Variants in SCAPER observed in about 807,000 individuals in gnomAD.
The protein encoded by SCAPER is S phase cyclin A-associated protein in the endoplasmic reticulum.
In SCAPER, 98 loss-of-function variants were observed where a neutral mutation model predicts 182.2. The ratio of observed to expected loss-of-function variants is 0.54; its 90% CI spans 0.46 to 0.64. SCAPER has a LOEUF of 0.64. SCAPER is among the 30% of genes least tolerant of loss of function. SCAPER has a pLI of 0.00. For synonymous variants in SCAPER, 605 were observed against 564.6 expected, an observed-to-expected ratio of 1.07 and a Z score of -1.01; for missense variants, 1,432 against 1,690.0, an observed-to-expected ratio of 0.85 and a Z score of 2.68.
chr15:76,387,021 C>T (rs1238963925), intron 27 of SCAPER, among the ~76,000 whole-genome samples: 1 of 152,138 alleles, frequency 6.6e-6, no homozygotes, highest in Non-Finnish European at 1.5e-5. Flanking sequence ...CTTTAATCAT[C>T]CAAGTGAGAA....
chr15:76,516,239 C>T (rs1307457103), intron 23 of SCAPER, among the ~76,000 whole-genome samples: 3 of 150,348 alleles, frequency 2.0e-5, no homozygotes, highest in African/African-American at 7.4e-5. Flanking sequence ...ACTTTAAGTT[C>T]TGGGATACAT....
intron 17 of SCAPER, among the ~76,000 whole-genome samples, chr15:76,709,542 A>T (rs1433116592): frequency 6.6e-6 from 1 of 152,208 alleles, no homozygotes; most frequent in African/African-American, 2.4e-5. Context: ...AATAGACCAA[A>T]AACAAGGGGA....
At chr15:76,663,950 G>A (rs2056387291) in intron 21 of SCAPER, among the ~76,000 whole-genome samples, 1 of 151,886 alleles carries the variant, frequency 6.6e-6, no homozygotes, top group Non-Finnish European at 1.5e-5. Context: ...TTTTTCCTAT[G>A]GTTATTTACA....
chr15:76,373,863 T>C (rs1056089376), intron 29 of SCAPER, among the ~76,000 whole-genome samples: 3 of 152,020 alleles, frequency 2.0e-5, no homozygotes, highest in South Asian at 2.1e-4. Flanking sequence ...TGAACCCAGA[T>C]GGCTGTGACT....
intron 4 of SCAPER, among the ~76,000 whole-genome samples, chr15:76,844,092 G>T (rs1456712195): frequency 6.6e-6 from 1 of 151,976 alleles, no homozygotes; most frequent in Admixed American, 6.6e-5. Context: ...AAGTGATGAA[G>T]CCAGAATTCT....
At chr15:76,579,532 T>A in intron 22 of SCAPER, among the ~76,000 whole-genome samples, 2 of 144,074 alleles carry the variant, frequency 1.4e-5, no homozygotes, top group South Asian at 2.2e-4. Context: ...ACACAAAAGA[T>A]TCATAAAAAA....
intron 23 of SCAPER, among the ~76,000 whole-genome samples, chr15:76,508,948 AT>A (rs2041815220): frequency 6.6e-6 from 1 of 152,128 alleles, no homozygotes; most frequent in Admixed American, 6.5e-5. Context: ...TATTTTCTGG[AT>A]TTAATTTGGT....
chr15:76,778,615 A>C (rs186471488), intron 8 of SCAPER, among the ~76,000 whole-genome samples: 1 of 151,742 alleles, frequency 6.6e-6, no homozygotes, highest in East Asian at 1.9e-4. Flanking sequence ...TAAACTCTTT[A>C]ATTATTTAAA....
intron 2 of SCAPER, among the ~76,000 whole-genome samples, chr15:76,878,458 T>C (rs902886726): frequency 5.9e-5 from 9 of 152,158 alleles, no homozygotes; most frequent in African/African-American, 2.2e-4. Context: ...CAAAAAGCAC[T>C]AATCATAAAG....
rs1474366308 is a variant in SCAPER, at chr15:76,665,572, CTTTT to C, written c.2645+77_2645+80del. On this transcript the variant is annotated intron_variant, in intron 21 of 31. Coordinates refer to ENST00000563290, the MANE Select transcript of SCAPER (RefSeq NM_020843.4). ...CTTTCATGAAGCAAACAACTTTAAA[CTTTT>C]TTTGTCTTCCTTGGATTTACATTAA... 4 of 1,450,812 alleles carry C rather than the reference CTTTT, an allele frequency of 2.8e-6. No individual in the cohort carries two copies. In the Admixed American group the frequency reaches 1.1e-4, roughly 41 times the overall value. The allele number at this position is 1,450,812 out of a possible 1,614,324, so 89.9% of individuals were successfully genotyped here.
chr15:76,656,268 A>T (rs2055627316), intron 21 of SCAPER, among the ~76,000 whole-genome samples: 2 of 152,192 alleles, frequency 1.3e-5, no homozygotes, highest in Non-Finnish European at 2.9e-5. Context: ...TCCAGAAAAA[A>T]ATAGAATTTA....
intron 16 of SCAPER, among the ~76,000 whole-genome samples, chr15:76,731,047 C>T (rs1204587745): frequency 1.3e-5 from 2 of 152,046 alleles, no homozygotes; most frequent in African/African-American, 2.4e-5. Context: ...TTTAAATTCC[C>T]GAAAGACAGG....
chr15:76,774,618 T>A lies in SCAPER; in HGVS notation c.1035+237A>T, dbSNP rs1006608440. ...ACTCTCAAATGTTAAGCATTTAACA[T>A]GTATGTGTAATATGTAACAAGAGAA... On this transcript the variant is annotated intron_variant, in intron 9 of 31. Coordinates refer to ENST00000563290, the MANE Select transcript of SCAPER (RefSeq NM_020843.4). Among the ~76,000 whole-genome samples, 3 of 152,318 alleles carry A rather than the reference T, an allele frequency of 2.0e-5. No individual in the cohort carries two copies. The East Asian group carries it at 5.8e-4, about 29-fold the overall frequency.
In SCAPER at chr15:76,701,529, T is replaced by C. The variant is rs575413298; in HGVS notation, c.2508+229A>G. 1.1e-4 allele frequency among the ~76,000 whole-genome samples: 16 copies of C among 152,348 alleles called. No homozygotes were observed. The South Asian group carries it at 1.9e-3, about 18-fold the overall frequency. On this transcript the variant is annotated intron_variant, in intron 20 of 31. Coordinates refer to ENST00000563290, the MANE Select transcript of SCAPER (RefSeq NM_020843.4). ...AATATACCATAACATTTCCTTATAC[T>C]GAAATTATGTAAATAACAGCATTAA...
chr15:76,707,099 G>C (rs1043979252), intron 17 of SCAPER, among the ~76,000 whole-genome samples: 1 of 151,900 alleles, frequency 6.6e-6, no homozygotes, highest in Non-Finnish European at 1.5e-5. Flanking sequence ...GTAGAATATA[G>C]TAAGTCGATG....
At chr15:76,843,634 T>C (rs1407815855) in intron 4 of SCAPER, among the ~76,000 whole-genome samples, 2 of 152,118 alleles carry the variant, frequency 1.3e-5, no homozygotes, top group Non-Finnish European at 1.5e-5. Context: ...TTGCCAACTT[T>C]GTGAAGAAAG....
chr15:76,858,512 T>C (rs2071594745), intron 3 of SCAPER, among the ~76,000 whole-genome samples: 1 of 152,182 alleles, frequency 6.6e-6, no homozygotes, highest in South Asian at 2.1e-4. Context: ...AGGTTTGCTA[T>C]ACAGGCAAAT....
intron 8 of SCAPER, among the ~76,000 whole-genome samples, chr15:76,790,690 A>T (rs1195544449): frequency 6.6e-6 from 1 of 152,090 alleles, no homozygotes; most frequent in Non-Finnish European, 1.5e-5. Flanking sequence ...TCAATACTGT[A>T]TAACAATCAC....
chr15:76,810,551 CCA>C (rs67252250), intron 5 of SCAPER, among the ~76,000 whole-genome samples: 37,901 of 133,152 alleles, frequency 0.28, 5,659 homozygotes, highest in East Asian at 0.55. Flanking sequence ...AAAAAAAAAA[CCA>C]CACACACACA....
Sources: gnomAD v4.1 joint callset for allele counts (sites outside exome capture counted in the v4.1 genomes callset) on GRCh38, gnomAD v4.1.1 for gene constraint, MANE v1.5 for transcripts, NCBI Gene and HGNC (gene_info 2026-07-23, HGNC 2026-07-21) for gene names.